B4GALT6: variants seen among roughly 807,000 people sequenced by gnomAD.
B4GALT6 encodes the protein UDP-Gal:beta-GlcNAc beta-1,4-galactosyltransferase 6.
Under a neutral mutation model 46.3 loss-of-function variants are expected in B4GALT6, and 14 were observed. That is an observed-to-expected ratio of 0.30 (90% confidence interval 0.20 to 0.47). The LOEUF is 0.47. Ranked by LOEUF, B4GALT6 falls within the 20% of genes least tolerant of loss-of-function variation. The pLI is 0.99. For missense variants in B4GALT6, 386 were observed against 480.1 expected, an observed-to-expected ratio of 0.80 and a Z score of 1.83; for synonymous variants, 168 against 162.0, an observed-to-expected ratio of 1.04 and a Z score of -0.28.
chr18:31,642,159 G>A (rs531249427), intron 4 of B4GALT6, among the ~76,000 whole-genome samples: 1 of 152,280 alleles, frequency 6.6e-6, no homozygotes, highest in Middle Eastern at 3.4e-3. Context: ...GAATGTTTGA[G>A]GACTGAGTTC....
the B4GALT6 span, chr18:31,724,371 G>A: frequency 9.4e-7 from 1 of 1,064,652 alleles, no homozygotes; most frequent in Non-Finnish European, 1.2e-6. Flanking sequence ...ACCCGCTCCA[G>A]CTGACCTCTG....
intron 1 of B4GALT6, among the ~76,000 whole-genome samples, chr18:31,672,311 G>A (rs1448404324): frequency 6.6e-6 from 1 of 152,202 alleles, no homozygotes; most frequent in African/African-American, 2.4e-5. Context: ...AATCTGGGAT[G>A]CAGTTATAAA....
the B4GALT6 span, among the ~76,000 whole-genome samples, chr18:31,720,162 G>A: frequency 6.6e-6 from 1 of 152,244 alleles, no homozygotes; most frequent in African/African-American, 2.4e-5. Context: ...ACAGCTTAAA[G>A]GTTAGAAGCA....
At chr18:31,688,015 AT>A (rs1480520631), upstream of B4GALT6, among the ~76,000 whole-genome samples, 2 of 152,110 alleles carry the variant, frequency 1.3e-5, no homozygotes, top group Non-Finnish European at 2.9e-5. Flanking sequence ...AGTGTATAGA[AT>A]CTCTTTTATG....
In B4GALT6 at chr18:31,675,644, G is replaced by A. The variant is rs1453284482; in HGVS notation, c.115+8668C>T. Reference sequence around the variant, plus strand: ...CTAAGAGAGTTATGAACCACACTGGGGAAAGTGGAATCAGGAGGAAATGAA... The same window carrying A: ...CTAAGAGAGTTATGAACCACACTGGAGAAAGTGGAATCAGGAGGAAATGAA... On this transcript the variant is annotated intron_variant, in intron 1 of 8. Coordinates refer to ENST00000306851, the MANE Select transcript of B4GALT6 (RefSeq NM_004775.5). 2.6e-5 allele frequency among the ~76,000 whole-genome samples: 4 copies of A among 152,112 alleles called. No individual in the cohort carries two copies. The South Asian group carries it at 6.2e-4, about 24-fold the overall frequency.
At chr18:31,677,382 G>A (rs1368784720) in intron 1 of B4GALT6, among the ~76,000 whole-genome samples, 1 of 152,128 alleles carries the variant, frequency 6.6e-6, no homozygotes, top group Non-Finnish European at 1.5e-5. Flanking sequence ...TCCACAGGCA[G>A]TCTAACCATG....
chr18:31,689,886 ACT>A (rs2030052614), upstream of B4GALT6, among the ~76,000 whole-genome samples: 1 of 152,156 alleles, frequency 6.6e-6, no homozygotes, highest in Admixed American at 6.5e-5. Context: ...CAGCTGGGCA[ACT>A]CAACCCTAGA....
intron 3 of B4GALT6, among the ~76,000 whole-genome samples, chr18:31,649,846 T>C (rs969966298): frequency 4.6e-5 from 7 of 152,340 alleles, no homozygotes; most frequent in African/African-American, 1.2e-4. Context: ...GAAAGCAGTT[T>C]GGAGATTTCT....
At position 31,678,684 on chromosome 18, in the gene B4GALT6, G is replaced by GA. The variant is rs377599671; in HGVS notation, c.115+5627dup. Among the ~76,000 whole-genome samples the GA allele has an allele frequency of 4.4e-3, 670 of 152,338 alleles. 4 individuals are homozygous for GA. Among genetic ancestry groups the GA allele is most frequent in the African/African-American group, 0.015 (637 of 41,580 alleles). ...GGCAAGGGGTCAGGGGTGTGGCAGG[G>GA]AAGACATGGATCTCCAAATATGGAC... On this transcript the variant is annotated intron_variant, in intron 1 of 8. Coordinates refer to ENST00000306851, the MANE Select transcript of B4GALT6 (RefSeq NM_004775.5).
chr18:31,637,721 G>GA (rs1229153715), intron 5 of B4GALT6, among the ~76,000 whole-genome samples: 3 of 151,998 alleles, frequency 2.0e-5, no homozygotes, highest in Non-Finnish European at 4.4e-5. Flanking sequence ...GTTAAAAAAA[G>GA]AAAAAAACTT....
chr18:31,677,676 A>G (rs575193767), intron 1 of B4GALT6, among the ~76,000 whole-genome samples: 18 of 152,340 alleles, frequency 1.2e-4, no homozygotes, highest in African/African-American at 4.3e-4. Context: ...TTGAATGAAA[A>G]CATCTTTTAA....
chr18:31,707,706 C>T, the B4GALT6 span, among the ~76,000 whole-genome samples: 1 of 151,908 alleles, frequency 6.6e-6, no homozygotes, highest in Non-Finnish European at 1.5e-5. Context: ...TTAAAAATTT[C>T]CCCCCCACAT....
At position 31,633,944 on chromosome 18, in the gene B4GALT6, T is replaced by C. The variant is rs150962815; in HGVS notation, c.589-2798A>G. 3.7e-3 allele frequency among the ~76,000 whole-genome samples: 559 copies of C among 152,312 alleles called. 4 individuals carry two copies. The highest frequency in any genetic ancestry group is 0.013 in the African/African-American group (531 of 41,572). On this transcript the variant is annotated intron_variant, in intron 5 of 8. Transcript: ENST00000306851. Reference sequence around the variant, plus strand: ...CTTGTCTGGTTTGTTCACTGCCACATCCCTTTTGTTGAATAAATGAAACCG... The same window carrying C: ...CTTGTCTGGTTTGTTCACTGCCACACCCCTTTTGTTGAATAAATGAAACCG...
At chr18:31,691,294 TA>T in the B4GALT6 span, among the ~76,000 whole-genome samples, 1 of 774 alleles carries the variant, frequency 1.3e-3, no homozygotes, top group Non-Finnish European at 4.6e-3. Context: ...TAATTTTACA[TA>T]TATATATATA....
At chr18:31,703,431 T>C in the B4GALT6 span, among the ~76,000 whole-genome samples, 1 of 152,156 alleles carries the variant, frequency 6.6e-6, no homozygotes, top group Non-Finnish European at 1.5e-5. Context: ...TTGTTTATAG[T>C]ATGTGGTCAG....
Position 31,638,700 on chromosome 18 carries a change from G to A in B4GALT6, c.532C>T (p.Leu178=). Residue 178 remains leucine, a synonymous_variant, in exon 5 of 9, where the codon CTG becomes TTG. Transcript: ENST00000306851. ...HEHLPIFFLH[L]IPMLQKQRLE... ...CGCTGCTTCTGGAGCATTGGAATCA[G>A]ATGTAAGAAAAAAATTGGAAGATGT... The A allele has an allele frequency of 6.2e-7, 1 of 1,614,054 alleles. No individual in the cohort carries two copies. The highest frequency in any genetic ancestry group is 8.5e-7 in the Non-Finnish European group (1 of 1,180,016).
rs551152073 is a variant in B4GALT6 at position 31,646,575 on chromosome 18, A to G, written c.347-1096T>C. Among the ~76,000 whole-genome samples the G allele has an allele frequency of 2.0e-5, 3 of 152,364 alleles. No individual in the cohort carries two copies. In the East Asian group the frequency reaches 5.8e-4, roughly 29 times the overall value. On this transcript the variant is annotated intron_variant, in intron 3 of 8. Coordinates refer to ENST00000306851, the MANE Select transcript of B4GALT6 (RefSeq NM_004775.5). ...TACAAATTGCTCTGGAGCGCCCTCCAGCCAAATTCTTCTCTCTGACCTCAT... is the reference window on the plus strand; with the variant it reads ...TACAAATTGCTCTGGAGCGCCCTCCGGCCAAATTCTTCTCTCTGACCTCAT...
chr18:31,636,252 C>T (rs2073857261), intron 5 of B4GALT6, among the ~76,000 whole-genome samples: 1 of 152,006 alleles, frequency 6.6e-6, no homozygotes, highest in South Asian at 2.1e-4. Context: ...ACAAAAAGCC[C>T]AAGCTATAAA....
At chr18:31,666,615 C>A (rs1323122298) in intron 1 of B4GALT6, among the ~76,000 whole-genome samples, 1 of 152,060 alleles carries the variant, frequency 6.6e-6, no homozygotes, top group African/African-American at 2.4e-5. Context: ...ATGAAACTAA[C>A]TGAACAAACT....
Sources: allele counts gnomAD v4.1 joint callset (sites outside exome capture counted in the v4.1 genomes callset), GRCh38; gene constraint gnomAD v4.1.1; transcripts MANE v1.5; gene names NCBI Gene and HGNC (gene_info 2026-07-23, HGNC 2026-07-21).